NBPF11: variants seen among roughly 807,000 people sequenced by gnomAD.
NBPF11 encodes the protein NBPF member 11.
A neutral mutation model predicts 93.9 loss-of-function variants in NBPF11; 72 were observed. The observed-to-expected ratio is 0.77, with a 90% CI of 0.63 to 0.93. The LOEUF (loss-of-function observed/expected upper bound fraction) is 0.93, where lower values mean the gene tolerates loss of function less well. Ranked by LOEUF, NBPF11 falls within the 40% of genes least tolerant of loss-of-function variation. NBPF11 has a pLI of 0.00. For synonymous variants in NBPF11, 224 were observed against 304.9 expected, an observed-to-expected ratio of 0.73 and a Z score of 2.76; for missense variants, 705 against 802.2, an observed-to-expected ratio of 0.88 and a Z score of 1.46.
At chr1:148,110,996 T>A (rs1215810096) in intron 15 of NBPF11, among the ~76,000 whole-genome samples, 1 of 151,766 alleles carries the variant, frequency 6.6e-6, no homozygotes, top group Non-Finnish European at 1.5e-5. Flanking sequence ...TTTCTTTTCT[T>A]GCAAAAATAC....
chr1:148,125,577 G>C (rs1401466571), intron 5 of NBPF11, among the ~76,000 whole-genome samples: 1 of 152,038 alleles, frequency 6.6e-6, no homozygotes. Context: ...TTATTAGTAT[G>C]AGAGGCAGCA....
Position 148,122,196 on chromosome 1 carries a change from T to A in NBPF11, c.637A>T (p.Asn213Tyr). 2 of 1,612,706 alleles carry A rather than the reference T, an allele frequency of 1.2e-6. No individual in the cohort carries two copies. The highest frequency in any genetic ancestry group is 1.7e-6 in the Non-Finnish European group (2 of 1,179,692). ...SLEECAITCS[N>Y]SHGPCDSIQP... ...ATGGAGTCACAAGGGCCGTGGCTAT[T>A]TGAACAAGTGATGGCACATTCCTCC... Residue 213 changes from asparagine (N) to tyrosine (Y), a missense_variant, in exon 9 of 24, where the codon AAT becomes TAT. Around this residue, in one of 12 missense-constraint regions of NBPF11, gnomAD observed 262 missense variants for 223.1 expected, o/e 1.17. Coordinates refer to ENST00000682118, the MANE Select transcript of NBPF11 (RefSeq NM_001385469.3).
At chr1:148,108,775 G>C in intron 17 of NBPF11, 121 bp from the exon 18 acceptor site, 1 of 716,688 alleles carries the variant, frequency 1.4e-6, no homozygotes, top group Non-Finnish European at 2.5e-6. Context: ...ATCCATTAAT[G>C]AGGTAACAAA....
rs1219009400 is a variant in NBPF11, at chr1:148,122,351, C to T, written c.567-85G>A. On this transcript the variant is annotated intron_variant, in intron 8 of 23. Coordinates refer to ENST00000682118, the MANE Select transcript of NBPF11 (RefSeq NM_001385469.3). ...AGGAGTCCTAGCTGGTTTTGACAAG[C>T]GGCATTAAGAGAGTGGTCCCAGAAA... The T allele has an allele frequency of 5.7e-4, 912 of 1,599,234 alleles. 2 individuals carry two copies. Among genetic ancestry groups the T allele is most frequent in the Admixed American group, 2.9e-3 (176 of 59,988 alleles).
In NBPF11 at chr1:148,115,815, C is replaced by A; in HGVS notation, c.1563G>T (p.Glu521Asp). 9 of 1,583,056 alleles carry A rather than the reference C, an allele frequency of 5.7e-6. 1 individual carries two copies. The highest frequency in any genetic ancestry group is 7.7e-6 in the Non-Finnish European group (9 of 1,161,324). ...LIGSSSHVEWEDAVHIIPENE... is the reference protein window; with the variant it reads ...LIGSSSHVEWDDAVHIIPENE... ...TACCTGGGATAATGTGTACAGCATC[C>A]TCCCATTCAACATGAGAGGATGAGC... The change falls in exon 14 of 24, where the codon GAG becomes GAT. Residue 521 changes from glutamate (E) to aspartate (D), a missense_variant. Glu to Asp is a conservative substitution (Grantham distance 45, BLOSUM62 2). Coordinates refer to ENST00000682118, the MANE Select transcript of NBPF11 (RefSeq NM_001385469.3).
At chr1:148,111,228 C>A (rs1179693113) in intron 15 of NBPF11, among the ~76,000 whole-genome samples, 1 of 152,072 alleles carries the variant, frequency 6.6e-6, no homozygotes, top group Non-Finnish European at 1.5e-5. Flanking sequence ...AAGACATCCA[C>A]CCCAAAACCC....
intron 4 of NBPF11, among the ~76,000 whole-genome samples, chr1:148,132,144 G>GTGTGTATA (rs1392331503): frequency 1.1e-4 from 15 of 137,470 alleles, no homozygotes; most frequent in South Asian, 4.6e-4. Context: ...GTGTGTGTGT[G>GTGTGTATA]TATATATATA....
intron 17 of NBPF11, among the ~76,000 whole-genome samples, chr1:148,109,063 T>C (rs1404459354): frequency 4.4e-3 from 637 of 144,452 alleles, no homozygotes; most frequent in African/African-American, 0.018. Flanking sequence ...ATACAGCTTT[T>C]GAGGTATGGT....
At chr1:148,141,706 G>A (rs1157025562) in intron 2 of NBPF11, among the ~76,000 whole-genome samples, 3 of 151,788 alleles carry the variant, frequency 2.0e-5, no homozygotes, top group Admixed American at 6.6e-5. Context: ...TTCTGGTAAG[G>A]ACAGGTGCAA....
In NBPF11 at chr1:148,108,574, A is replaced by C. The variant is rs371954812; in HGVS notation, c.1934T>G (p.Val645Gly). 8 of 1,596,432 alleles carry C rather than the reference A, an allele frequency of 5.0e-6. No individual in the cohort carries two copies. In the East Asian group the frequency reaches 1.3e-4, roughly 27 times the overall value. Residue 645 changes from valine (V) to glycine (G), a missense_variant, in exon 18 of 24, where the codon GTT becomes GGT. Around this residue, in one of 12 missense-constraint regions of NBPF11, gnomAD observed 97 missense variants for 65.0 expected, o/e 1.49. Transcript: ENST00000682118. ...SLDRCYSTPSVYLGLTDSCQP... is the reference protein window; with the variant it reads ...SLDRCYSTPSGYLGLTDSCQP... Reference sequence around the variant, plus strand: ...GCATGAGTCAGTCAGTCCAAGATAAACTGAAGGAGTTGAATAACATCTATC... The same window carrying C: ...GCATGAGTCAGTCAGTCCAAGATAACCTGAAGGAGTTGAATAACATCTATC...
intron 2 of NBPF11, 24 bp from the exon 3 acceptor site, chr1:148,137,833 T>G (rs1205353537): frequency 1.4e-5 from 2 of 141,726 alleles, no homozygotes; most frequent in African/African-American, 5.3e-5. Context: ...AATGGTTCAG[T>G]GAAGGGATGG....
Position 148,122,718 on chromosome 1 carries a change from T to C in NBPF11, c.566+11A>G. ...ACCACCCATTACTTGCTCCTGAGTA[T>C]TCAATGTTACCTGGGGGCAGATGAT... On this transcript the variant is annotated intron_variant, in intron 8 of 23. Coordinates refer to ENST00000682118, the MANE Select transcript of NBPF11 (RefSeq NM_001385469.3). 3.7e-6 allele frequency: 6 copies of C among 1,609,496 alleles called. No homozygotes were observed. The highest frequency in any genetic ancestry group is 5.1e-6 in the Non-Finnish European group (6 of 1,177,000).
intron 4 of NBPF11, among the ~76,000 whole-genome samples, chr1:148,130,704 C>T (rs1322373451): frequency 1.3e-5 from 2 of 151,452 alleles, no homozygotes; most frequent in Non-Finnish European, 2.9e-5. Context: ...ATTCAATGCA[C>T]GTTTACAAAT....
At chr1:148,110,045 A>C (rs1437822561) in intron 16 of NBPF11, among the ~76,000 whole-genome samples, 1 of 150,786 alleles carries the variant, frequency 6.6e-6, no homozygotes, top group Non-Finnish European at 1.5e-5. Context: ...AGAGACATTT[A>C]ATTCAGATGA....
intron 12 of NBPF11, among the ~76,000 whole-genome samples, chr1:148,117,102 CA>C (rs1666749572): frequency 6.6e-6 from 1 of 151,958 alleles, no homozygotes; most frequent in African/African-American, 2.4e-5. Flanking sequence ...TTTTGGAAAG[CA>C]GTTGTAAGTG....
intron 4 of NBPF11, among the ~76,000 whole-genome samples, chr1:148,129,116 C>T (rs1448862727): frequency 1.4e-5 from 2 of 141,720 alleles, no homozygotes; most frequent in Admixed American, 7.1e-5. Flanking sequence ...TATATATACA[C>T]GTGTATATGT....
intron 4 of NBPF11, among the ~76,000 whole-genome samples, chr1:148,133,659 C>T (rs1323813245): frequency 1.3e-4 from 20 of 151,480 alleles, no homozygotes; most frequent in African/African-American, 2.4e-4. Flanking sequence ...AAAAAGAGGC[C>T]GGGCATGGTG....
chr1:148,147,424 G>A (rs1391086442), intron 1 of NBPF11, among the ~76,000 whole-genome samples: 1 of 152,034 alleles, frequency 6.6e-6, no homozygotes, highest in Non-Finnish European at 1.5e-5. Flanking sequence ...GCACACATCC[G>A]AGGTCTGGGC....
At chr1:148,124,757 A>T in intron 6 of NBPF11, 142 bp downstream of exon 6, 1 of 712,866 alleles carries the variant, frequency 1.4e-6, no homozygotes, top group East Asian at 2.5e-5. Context: ...TTCTCTGATA[A>T]ATATTTGTGT....
Sources: gnomAD v4.1 joint callset for allele counts (sites outside exome capture counted in the v4.1 genomes callset) on GRCh38, gnomAD v4.1.1 for gene constraint, gnomAD v4.1.1 regional missense constraint, MANE v1.5 for transcripts, NCBI Gene and HGNC (gene_info 2026-07-23, HGNC 2026-07-21) for gene names.